Variants in KIFAP3 observed in about 807,000 individuals in gnomAD.
KIFAP3 encodes kinesin associated protein 3.
KIFAP3 carries 68 observed loss-of-function variants against 106.5 expected under a neutral mutation model. The observed-to-expected ratio is 0.64, with a 90% CI of 0.53 to 0.78. The LOEUF (loss-of-function observed/expected upper bound fraction) is 0.78. Ranked by LOEUF, KIFAP3 falls within the 30% of genes least tolerant of loss-of-function variation. The pLI, the probability that KIFAP3 is intolerant of heterozygous loss-of-function variation, is 0.00. For synonymous variants in KIFAP3, 320 were observed against 311.5 expected (o/e 1.03, Z -0.29); for missense variants, 780 against 941.8 (o/e 0.83, Z 2.25).
intron 3 of KIFAP3, among the ~76,000 whole-genome samples, chr1:170,041,064 C>G (rs1162074649): frequency 6.6e-6 from 1 of 152,088 alleles, no homozygotes; most frequent in Non-Finnish European, 1.5e-5. Flanking sequence ...ACCTCGTGAT[C>G]CGCCCGCCTC....
chr1:170,026,752 C>T (rs1406118554), intron 8 of KIFAP3, among the ~76,000 whole-genome samples: 2 of 152,106 alleles, frequency 1.3e-5, no homozygotes, highest in South Asian at 2.1e-4. Context: ...GAAAATAATG[C>T]CTGCTTCTAC....
At chr1:170,054,356 G>T (rs927305271) in intron 2 of KIFAP3, among the ~76,000 whole-genome samples, 2 of 151,732 alleles carry the variant, frequency 1.3e-5, no homozygotes, top group Non-Finnish European at 1.5e-5. Flanking sequence ...TGCTCAGGCT[G>T]TGGAAAAATT....
chr1:169,976,450 C>T (rs750163790), intron 16 of KIFAP3, among the ~76,000 whole-genome samples: 3 of 151,830 alleles, frequency 2.0e-5, no homozygotes, highest in African/African-American at 4.8e-5. Context: ...CATTAAGCAG[C>T]TGTTAATACT....
chr1:169,948,289 T>C (rs1664548261), intron 19 of KIFAP3, among the ~76,000 whole-genome samples: 1 of 151,902 alleles, frequency 6.6e-6, no homozygotes, highest in Non-Finnish European at 1.5e-5. Flanking sequence ...AAATGTTATG[T>C]CTGCTTTATT....
chr1:169,943,965 T>C lies in KIFAP3; in HGVS notation c.2273+10046A>G, dbSNP rs551235435. On this transcript the variant is annotated intron_variant, in intron 19 of 19. Transcript: ENST00000361580. Reference sequence around the variant, plus strand: ...CGTTTTAAATTTATAGACTCAATTATGCTGAATTTCTTCTACTAAGTCAAA... The same window carrying C: ...CGTTTTAAATTTATAGACTCAATTACGCTGAATTTCTTCTACTAAGTCAAA... 4.1e-4 allele frequency among the ~76,000 whole-genome samples: 62 copies of C among 152,356 alleles called. 2 individuals are homozygous for C. The South Asian group carries it at 5.4e-3, about 13-fold the overall frequency.
chr1:169,975,319 C>T (rs1666166973), intron 16 of KIFAP3, among the ~76,000 whole-genome samples: 1 of 151,944 alleles, frequency 6.6e-6, no homozygotes, highest in Admixed American at 6.6e-5. Flanking sequence ...TAAAATAAGT[C>T]TACACTAGCT....
rs191837260 is a variant in KIFAP3 at position 169,965,599 on chromosome 1, C to T, written c.1984-4364G>A. Among the ~76,000 whole-genome samples, 56 of 151,998 alleles carry T rather than the reference C, an allele frequency of 3.7e-4. 1 individual carries two copies. The highest frequency in any genetic ancestry group is 1.1e-3 in the African/African-American group (47 of 41,500). On this transcript the variant is annotated intron_variant, in intron 17 of 19. Transcript: ENST00000361580. ...AAACAAACAAAAATCCTGCTTACTC[C>T]GAGTTATCATTTCACACCCTCTTTT...
chr1:169,924,480 C>CA (rs1663015241), intron 19 of KIFAP3, among the ~76,000 whole-genome samples: 1 of 152,048 alleles, frequency 6.6e-6, no homozygotes, highest in Non-Finnish European at 1.5e-5. Flanking sequence ...CTGTTTAAAG[C>CA]AAAAAATATT....
chr1:169,961,934 T>C (rs1466610243), intron 17 of KIFAP3, among the ~76,000 whole-genome samples: 1 of 152,140 alleles, frequency 6.6e-6, no homozygotes, highest in Admixed American at 6.6e-5. Flanking sequence ...TTAAAAGTTA[T>C]ACATGGATTT....
chr1:169,943,076 T>A (rs911901932), intron 19 of KIFAP3, among the ~76,000 whole-genome samples: 1 of 152,170 alleles, frequency 6.6e-6, no homozygotes, highest in Non-Finnish European at 1.5e-5. Context: ...TTTGGTAATA[T>A]AAATTTACTT....
Position 170,074,455 on chromosome 1 carries a change from C to T in KIFAP3, c.13G>A (p.Asp5Asn), listed in dbSNP as rs1438427283. Residue 5 changes from aspartate (D) to asparagine (N), a missense_variant, in exon 1 of 20, where the codon GAC becomes AAC. Asp to Asn is a conservative substitution (Grantham distance 23, BLOSUM62 1). Around this residue, in one of 3 missense-constraint regions of KIFAP3, gnomAD observed 588 missense variants for 678.9 expected, o/e 0.87. Transcript: ENST00000361580. ...CGTCACCTTTTGAGGTATCTGGCGT[C>T]CTCCCCTTGCATGGCGGCAGCGGCA... MQGE[D>N]ARYLKRKVKG... 2.5e-6 allele frequency: 4 copies of T among 1,613,940 alleles called. No individual in the cohort carries two copies. In the South Asian group the frequency reaches 3.3e-5, roughly 13 times the overall value.
intron 18 of KIFAP3, among the ~76,000 whole-genome samples, chr1:169,957,202 C>T (rs1306406404): frequency 1.3e-5 from 2 of 152,114 alleles, no homozygotes; most frequent in Non-Finnish European, 2.9e-5. Context: ...CTACTCTAAA[C>T]TTGTTTCAAA....
intron 10 of KIFAP3, among the ~76,000 whole-genome samples, chr1:169,992,628 T>C (rs571006930): frequency 6.8e-4 from 104 of 152,260 alleles, no homozygotes; most frequent in African/African-American, 2.4e-3. Flanking sequence ...TGTTTAGATA[T>C]AGTAAATAAA....
At chr1:169,969,431 A>T (rs554945717) in intron 17 of KIFAP3, among the ~76,000 whole-genome samples, 1 of 152,154 alleles carries the variant, frequency 6.6e-6, no homozygotes, top group Admixed American at 6.6e-5. Context: ...TTAAAGCTAT[A>T]TTGGTTTCTT....
chr1:169,979,536 C>T (rs957856013), intron 15 of KIFAP3, among the ~76,000 whole-genome samples: 14 of 152,116 alleles, frequency 9.2e-5, no homozygotes, highest in African/African-American at 3.1e-4. Flanking sequence ...TAAACATAAA[C>T]AGGTGATGAA....
intron 2 of KIFAP3, among the ~76,000 whole-genome samples, chr1:170,052,406 C>A (rs772420229): frequency 1.3e-5 from 2 of 152,082 alleles, no homozygotes; most frequent in African/African-American, 4.8e-5. Flanking sequence ...AGAATTCTAC[C>A]AGAGGTACAA....
At chr1:169,991,453 T>A (rs892195615) in intron 11 of KIFAP3, among the ~76,000 whole-genome samples, 1 of 152,038 alleles carries the variant, frequency 6.6e-6, no homozygotes, top group African/African-American at 2.4e-5. Context: ...TCACCAATAT[T>A]CATGGAAATG....
At chr1:170,063,064 C>T (rs1671267066) in intron 1 of KIFAP3, among the ~76,000 whole-genome samples, 1 of 152,092 alleles carries the variant, frequency 6.6e-6, no homozygotes, top group Non-Finnish European at 1.5e-5. Flanking sequence ...CAAAACTAGC[C>T]TTGAAACCAC....
chr1:169,973,105 G>GTGTGTATATATATA lies in KIFAP3; in HGVS notation c.1898-508_1898-507insTATATATATACACA, dbSNP rs145406203. Among the ~76,000 whole-genome samples, 91 of 90,314 alleles carry GTGTGTATATATATA rather than the reference G, an allele frequency of 1.0e-3. 4 individuals are homozygous for GTGTGTATATATATA. Among genetic ancestry groups the GTGTGTATATATATA allele is most frequent in the African/African-American group, 4.0e-3 (87 of 21,890 alleles). 59.2% of individuals were successfully genotyped at this position (90,314 alleles called of 152,430 possible). ...ATAAAAATAATTTAAAAAATAGTGT[G>GTGTGTATATATATA]TATATATATATATATATAAACAACA... On this transcript the variant is annotated intron_variant, in intron 16 of 19. Coordinates refer to ENST00000361580, the MANE Select transcript of KIFAP3 (RefSeq NM_014970.4).
Sources: gnomAD v4.1 joint callset for allele counts (sites outside exome capture counted in the v4.1 genomes callset) on GRCh38, gnomAD v4.1.1 for gene constraint, gnomAD v4.1.1 regional missense constraint, MANE v1.5 for transcripts, NCBI Gene and HGNC (gene_info 2026-07-23, HGNC 2026-07-21) for gene names.